The following DSCAM variants were observed in gnomAD, a reference collection of about 807,000 sequenced individuals.
The protein encoded by DSCAM is cell adhesion molecule DSCAM.
DSCAM carries 47 observed loss-of-function variants against 217.7 expected under a neutral mutation model. That is an observed-to-expected ratio of 0.22 (90% CI 0.17 to 0.28). The LOEUF (loss-of-function observed/expected upper bound fraction) is 0.28. DSCAM is among the 10% of genes least tolerant of loss of function. The pLI, the probability that DSCAM is intolerant of heterozygous loss-of-function variation, is 1.00. For synonymous variants in DSCAM, 1,056 were observed against 1,015.3 expected, an observed-to-expected ratio of 1.04 and a Z score of -0.76; for missense variants, 2,080 against 2,618.3, an observed-to-expected ratio of 0.79 and a Z score of 4.49.
At chr21:40,677,743 C>G (rs528301508) in intron 3 of DSCAM, among the ~76,000 whole-genome samples, 4 of 152,170 alleles carry the variant, frequency 2.6e-5, no homozygotes, top group African/African-American at 9.6e-5. Context: ...GAGGTTAGGG[C>G]CCTTCTAAAA....
intron 32 of DSCAM, among the ~76,000 whole-genome samples, chr21:40,039,932 TATC>T (rs1225615157): frequency 6.6e-6 from 1 of 152,276 alleles, no homozygotes; most frequent in Non-Finnish European, 1.5e-5. Context: ...ACATGACGAA[TATC>T]ATCTAGCGTG....
At chr21:40,390,617 G>T (rs2075125509) in intron 3 of DSCAM, among the ~76,000 whole-genome samples, 2 of 152,100 alleles carry the variant, frequency 1.3e-5, no homozygotes, top group African/African-American at 4.8e-5. Context: ...CTACTCCAAT[G>T]CCTCAAGGGA....
At chr21:40,806,717 C>T (rs2091790940) in intron 1 of DSCAM, among the ~76,000 whole-genome samples, 1 of 152,180 alleles carries the variant, frequency 6.6e-6, no homozygotes, top group South Asian at 2.1e-4. Context: ...ACCCAAATGC[C>T]CATCAGTGAT....
chr21:40,121,439 G>A (rs1181831359), intron 20 of DSCAM, among the ~76,000 whole-genome samples: 1 of 152,126 alleles, frequency 6.6e-6, no homozygotes, highest in East Asian at 1.9e-4. Context: ...TAGACAGGAA[G>A]GTGGATATGG....
chr21:40,036,946 G>A (rs1046344939), intron 32 of DSCAM, among the ~76,000 whole-genome samples: 9 of 150,646 alleles, frequency 6.0e-5, no homozygotes, highest in Admixed American at 5.9e-4. Context: ...TGCAGAAAGG[G>A]CCTTTGACAA....
chr21:40,080,818 G>A (rs923161742), intron 24 of DSCAM, among the ~76,000 whole-genome samples: 1 of 152,166 alleles, frequency 6.6e-6, no homozygotes. Context: ...ACAGACACTA[G>A]GAGAAACAGC....
At chr21:40,637,606 A>ATATATATCTAT (rs2089815758) in intron 3 of DSCAM, among the ~76,000 whole-genome samples, 4 of 36,770 alleles carry the variant, frequency 1.1e-4, no homozygotes, top group Admixed American at 6.2e-4. Context: ...TATATATATA[A>ATATATATCTAT]ATATATATAA....
At chr21:40,458,185 A>G (rs187551134) in intron 3 of DSCAM, among the ~76,000 whole-genome samples, 164 of 152,346 alleles carry the variant, frequency 1.1e-3, no homozygotes, top group African/African-American at 3.8e-3. Context: ...ACCTAATTCT[A>G]TAACCTAAGG....
At chr21:40,802,167 C>T (rs982423041) in intron 1 of DSCAM, among the ~76,000 whole-genome samples, 1 of 152,164 alleles carries the variant, frequency 6.6e-6, no homozygotes, top group Non-Finnish European at 1.5e-5. Context: ...AACTCCCACC[C>T]CAGTGTCTCG....
At chr21:40,766,692 C>CTTTTTT (rs1197034537) in intron 1 of DSCAM, among the ~76,000 whole-genome samples, 1 of 92,604 alleles carries the variant, frequency 1.1e-5, no homozygotes, top group African/African-American at 4.4e-5. Context: ...AAAAAAACAA[C>CTTTTTT]TTTTTTTTTT....
intron 3 of DSCAM, among the ~76,000 whole-genome samples, chr21:40,561,757 A>C (rs547524886): frequency 9.6e-4 from 144 of 150,084 alleles, no homozygotes; most frequent in African/African-American, 3.1e-3. Flanking sequence ...AGACCGAGTG[A>C]ACTAAGCTGT....
At chr21:40,499,568 A>G (rs1389694613) in intron 3 of DSCAM, among the ~76,000 whole-genome samples, 1 of 152,244 alleles carries the variant, frequency 6.6e-6, no homozygotes, top group Non-Finnish European at 1.5e-5. Flanking sequence ...CAACGTGCCC[A>G]TTAAGTTTCT....
intron 1 of DSCAM, among the ~76,000 whole-genome samples, chr21:40,760,084 C>T (rs974334905): frequency 6.6e-6 from 1 of 152,100 alleles, no homozygotes; most frequent in South Asian, 2.1e-4. Flanking sequence ...ACCTCCACCC[C>T]CCAGGTTCAA....
At chr21:40,786,674 A>T (rs1190117025) in intron 1 of DSCAM, among the ~76,000 whole-genome samples, 2 of 152,228 alleles carry the variant, frequency 1.3e-5, no homozygotes, top group East Asian at 3.9e-4. Flanking sequence ...GGTTAAGGCA[A>T]GTCAGTGACT....
chr21:40,693,475 GA>G (rs2090562303), intron 2 of DSCAM, among the ~76,000 whole-genome samples: 1 of 152,030 alleles, frequency 6.6e-6, no homozygotes, highest in Admixed American at 6.6e-5. Context: ...ATAGTTAATA[GA>G]CCCCCTGAAG....
At chr21:40,600,138 G>A (rs538866720) in intron 3 of DSCAM, among the ~76,000 whole-genome samples, 1 of 152,340 alleles carries the variant, frequency 6.6e-6, no homozygotes, top group African/African-American at 2.4e-5. Context: ...AAACCTGGCA[G>A]AGATACAACA....
chr21:40,410,173 A>G (rs1204185777), intron 3 of DSCAM, among the ~76,000 whole-genome samples: 2 of 152,138 alleles, frequency 1.3e-5, no homozygotes, highest in Non-Finnish European at 1.5e-5. Flanking sequence ...ATTAAACCCA[A>G]GTAAGACTTT....
chr21:40,396,097 C>T (rs188523188), intron 3 of DSCAM, among the ~76,000 whole-genome samples: 1 of 152,154 alleles, frequency 6.6e-6, no homozygotes, highest in Non-Finnish European at 1.5e-5. Context: ...GTTCCTAAAT[C>T]GAGATGACAT....
At chr21:40,155,949 C>T (rs1055769136) in intron 16 of DSCAM, among the ~76,000 whole-genome samples, 1 of 152,006 alleles carries the variant, frequency 6.6e-6, no homozygotes, top group Non-Finnish European at 1.5e-5. Context: ...AGGCAGGGAG[C>T]CAAGCCAGGA....
Sources: allele counts gnomAD v4.1 joint callset (sites outside exome capture counted in the v4.1 genomes callset), GRCh38; gene constraint gnomAD v4.1.1; transcripts MANE v1.5; gene names NCBI Gene and HGNC (gene_info 2026-07-23, HGNC 2026-07-21).